Variants in EFL1 observed in about 807,000 individuals in gnomAD.
EFL1 encodes elongation factor-like GTPase 1.
Under a neutral mutation model 126.7 loss-of-function variants are expected in EFL1, and 76 were observed. The observed-to-expected ratio is 0.60, with a 90% CI of 0.50 to 0.73. The LOEUF (loss-of-function observed/expected upper bound fraction) is 0.73, where lower values mean the gene tolerates loss of function less well. Among genes scored for constraint, EFL1 ranks in the 30% least tolerant of loss-of-function variants. The probability of loss-of-function intolerance (pLI) is 0.00; values close to 1 mark genes in which losing one functional copy is unlikely to be tolerated. For missense variants in EFL1, 1,128 were observed against 1,343.2 expected (o/e 0.84, Z 2.50); for synonymous variants, 410 against 448.4 (o/e 0.91, Z 1.08).
chr15:82,211,569 C>CACACACACAA (rs2074587847), intron 15 of EFL1, among the ~76,000 whole-genome samples: 1 of 132,538 alleles, frequency 7.5e-6, no homozygotes, highest in African/African-American at 2.9e-5. Context: ...CACACACACA[C>CACACACACAA]ACACACACAC....
intron 8 of EFL1, among the ~76,000 whole-genome samples, chr15:82,229,692 T>C (rs950818964): frequency 1.1e-4 from 16 of 152,166 alleles, no homozygotes; most frequent in African/African-American, 3.9e-4. Context: ...TTAAAAGTCA[T>C]TGGCTTAGAA....
At position 82,219,822 on chromosome 15, in the gene EFL1, A is replaced by G; in HGVS notation, c.1445-4T>C. 1 of 1,598,260 alleles carries G rather than the reference A, an allele frequency of 6.3e-7. No individual in the cohort carries two copies. Among genetic ancestry groups the G allele is most frequent in the Non-Finnish European group, 8.5e-7 (1 of 1,175,442 alleles). On this transcript the variant is annotated splice_polypyrimidine_tract_variant and splice_region_variant and intron_variant, in intron 13 of 19. Coordinates refer to ENST00000268206, the MANE Select transcript of EFL1 (RefSeq NM_024580.6). Reference sequence around the variant, plus strand: ...CTTTCCACCTGTTGCTCGTCACCTGACAGAAACAAAAAGATAATTAGTGCC... The same window carrying G: ...CTTTCCACCTGTTGCTCGTCACCTGGCAGAAACAAAAAGATAATTAGTGCC...
At chr15:82,170,295 T>C (rs1346581434) in intron 15 of EFL1, among the ~76,000 whole-genome samples, 1 of 151,556 alleles carries the variant, frequency 6.6e-6, no homozygotes, top group Non-Finnish European at 1.5e-5. Flanking sequence ...TTTGTATTTT[T>C]AGTAGAGACG....
chr15:82,158,615 A>C (rs142889846), intron 16 of EFL1, among the ~76,000 whole-genome samples: 69 of 152,310 alleles, frequency 4.5e-4, no homozygotes, highest in Admixed American at 3.8e-3. Context: ...TCAATTCTAC[A>C]TTTGAAGAAA....
intron 7 of EFL1, among the ~76,000 whole-genome samples, chr15:82,231,808 A>T (rs755897268): frequency 2.0e-5 from 3 of 152,172 alleles, no homozygotes; most frequent in Non-Finnish European, 4.4e-5. Context: ...CTCTTTAATC[A>T]CTCTTCCACA....
At chr15:82,136,302 T>C (rs2141210378) in intron 19 of EFL1, among the ~76,000 whole-genome samples, 1 of 152,316 alleles carries the variant, frequency 6.6e-6, no homozygotes, top group East Asian at 1.9e-4. Context: ...ACATCCTCTT[T>C]GTTCTGATCA....
chr15:82,241,445 T>C (rs776973415), intron 4 of EFL1, 42 bp from the exon 5 acceptor site: 1 of 1,590,382 alleles, frequency 6.3e-7, no homozygotes, highest in Non-Finnish European at 8.6e-7. Flanking sequence ...GTTGTCCAGG[T>C]ACACAATGTT....
intron 15 of EFL1, among the ~76,000 whole-genome samples, chr15:82,199,681 A>G (rs2141280139): frequency 6.6e-6 from 1 of 152,352 alleles, no homozygotes; most frequent in Middle Eastern, 3.4e-3. Context: ...CTTACTATGT[A>G]TGCATGTATT....
intron 4 of EFL1, among the ~76,000 whole-genome samples, 187 bp from the exon 5 acceptor site, chr15:82,241,590 C>T (rs1244541887): frequency 1.3e-5 from 2 of 152,194 alleles, no homozygotes; most frequent in Admixed American, 1.3e-4. Context: ...TTCCAAATAG[C>T]ATCTATATAA....
chr15:82,221,534 T>C (rs1240149984), intron 12 of EFL1, among the ~76,000 whole-genome samples: 2 of 152,174 alleles, frequency 1.3e-5, no homozygotes, highest in East Asian at 3.9e-4. Flanking sequence ...AGTCCTAGTA[T>C]CCAGGACTAG....
intron 17 of EFL1, among the ~76,000 whole-genome samples, chr15:82,157,091 T>C (rs1567043900): frequency 6.6e-6 from 1 of 152,218 alleles, no homozygotes; most frequent in African/African-American, 2.4e-5. Flanking sequence ...GAACTGTGTA[T>C]ATAGATATTT....
chr15:82,162,179 A>C (rs1390996898), intron 16 of EFL1, among the ~76,000 whole-genome samples: 1 of 152,114 alleles, frequency 6.6e-6, no homozygotes, highest in Non-Finnish European at 1.5e-5. Flanking sequence ...TGGGAGGCTG[A>C]GGCAGGAGGA....
chr15:82,169,775 C>T (rs2074114879), intron 15 of EFL1, among the ~76,000 whole-genome samples: 1 of 152,052 alleles, frequency 6.6e-6, no homozygotes, highest in Non-Finnish European at 1.5e-5. Flanking sequence ...AACAGTTATT[C>T]AACTTTCTGT....
At chr15:82,236,591 T>A (rs1337667353) in intron 7 of EFL1, among the ~76,000 whole-genome samples, 1 of 152,102 alleles carries the variant, frequency 6.6e-6, no homozygotes, top group African/African-American at 2.4e-5. Context: ...CAACAAAGCG[T>A]TCTAGACTAA....
At chr15:82,219,939 C>G in intron 13 of EFL1, 121 bp from the exon 14 acceptor site, 1 of 1,477,054 alleles carries the variant, frequency 6.8e-7, no homozygotes, top group African/African-American at 1.4e-5. Flanking sequence ...AAAAAGAAAA[C>G]AAAACAAAAC....
chr15:82,162,460 TTGTA>T (rs775636705), intron 16 of EFL1, among the ~76,000 whole-genome samples: 26 of 152,226 alleles, frequency 1.7e-4, no homozygotes, highest in Non-Finnish European at 3.5e-4. Flanking sequence ...CTGAGCTTTC[TTGTA>T]TGTATTTCTT....
At chr15:82,130,880 C>T (rs190527305) in intron 19 of EFL1, among the ~76,000 whole-genome samples, 73 of 152,068 alleles carry the variant, frequency 4.8e-4, no homozygotes, top group African/African-American at 1.7e-3. Flanking sequence ...CTGGGTGGGG[C>T]GGCATGTGCC....
chr15:82,152,706 T>A (rs1340432433), intron 17 of EFL1, among the ~76,000 whole-genome samples: 2 of 152,144 alleles, frequency 1.3e-5, no homozygotes, highest in Non-Finnish European at 2.9e-5. Flanking sequence ...ACCACCCATT[T>A]AGATAAGAAT....
chr15:82,153,506 T>C (rs1337366650), intron 17 of EFL1, among the ~76,000 whole-genome samples: 1 of 152,198 alleles, frequency 6.6e-6, no homozygotes, highest in Non-Finnish European at 1.5e-5. Flanking sequence ...GTGTTTTACA[T>C]GTAGTATTTC....
Sources: gnomAD v4.1 joint callset for allele counts (sites outside exome capture counted in the v4.1 genomes callset) on GRCh38, gnomAD v4.1.1 for gene constraint, MANE v1.5 for transcripts, NCBI Gene and HGNC (gene_info 2026-07-23, HGNC 2026-07-21) for gene names.